The following IQCH variants were observed in gnomAD, a reference collection of about 807,000 sequenced individuals.
IQCH encodes IQ domain-containing protein H.
Under a neutral mutation model 117.0 loss-of-function variants are expected in IQCH, and 98 were observed. The ratio of observed to expected loss-of-function variants is 0.84; its 90% CI spans 0.71 to 0.99. The LOEUF is 0.99. Among genes scored for constraint, IQCH ranks in the 50% least tolerant of loss-of-function variants. IQCH has a pLI of 0.00. For synonymous variants in IQCH, 412 were observed against 448.2 expected (o/e 0.92, Z 1.02); for missense variants, 1,102 against 1,243.8 (o/e 0.89, Z 1.72).
At chr15:67,380,833 G>C (rs144813139) in intron 10 of IQCH, among the ~76,000 whole-genome samples, 30 of 152,276 alleles carry the variant, frequency 2.0e-4, no homozygotes, top group South Asian at 4.1e-4. Flanking sequence ...AAAAGGTTGA[G>C]AACTATTCCT....
intron 20 of IQCH, among the ~76,000 whole-genome samples, chr15:67,499,550 A>T (rs912087553): frequency 1.1e-4 from 17 of 152,042 alleles, no homozygotes; most frequent in Admixed American, 7.2e-4. Context: ...AGCAGTTTAT[A>T]AAAAAAATTA....
rs1367665514 is a variant in IQCH at position 67,388,413 on chromosome 15, A to T, written c.1457-418A>T. Among the ~76,000 whole-genome samples, 2 of 151,976 alleles carry T rather than the reference A, an allele frequency of 1.3e-5. No individual in the cohort carries two copies. The highest frequency in any genetic ancestry group is 2.9e-5 in the Non-Finnish European group (2 of 67,986). ...CCTGTCAAGTCCATACAGAATAAGAAATTGCAATTTCATCAGCTTTGTAAA... is the reference window on the plus strand; with the variant it reads ...CCTGTCAAGTCCATACAGAATAAGATATTGCAATTTCATCAGCTTTGTAAA... On this transcript the variant is annotated intron_variant, in intron 11 of 20. Transcript: ENST00000335894. This position sits in a 1 kb window ranked among gnomAD's most constrained non-coding sequence, Gnocchi z 5.5.
In IQCH at chr15:67,323,038, A is replaced by C. The variant is rs117678478; in HGVS notation, c.388-13937A>C. On this transcript the variant is annotated intron_variant, in intron 4 of 20. Coordinates refer to ENST00000335894, the MANE Select transcript of IQCH (RefSeq NM_001031715.3). ...ACACCAAATGGGAAGAAAGGTTCTC[A>C]ATCTGGTCCAAGGATTTACCTGAGA... Among the ~76,000 whole-genome samples the C allele has an allele frequency of 3.1e-3, 471 of 152,268 alleles. 7 individuals carry two copies. In the East Asian group the frequency reaches 0.041, roughly 13 times the overall value.
At chr15:67,338,386 G>A (rs1178750885) in intron 5 of IQCH, among the ~76,000 whole-genome samples, 1 of 152,102 alleles carries the variant, frequency 6.6e-6, no homozygotes, top group Admixed American at 6.6e-5. Flanking sequence ...ATGGCCTACT[G>A]TCATATTAGG....
chr15:67,330,485 C>T (rs1157804320), intron 4 of IQCH, among the ~76,000 whole-genome samples: 1 of 152,160 alleles, frequency 6.6e-6, no homozygotes, highest in Non-Finnish European at 1.5e-5. Context: ...GAATTTTCTT[C>T]TGTCTCCAAG....
chr15:67,334,098 G>A (rs1401312951), intron 4 of IQCH, among the ~76,000 whole-genome samples: 3 of 152,228 alleles, frequency 2.0e-5, no homozygotes, highest in African/African-American at 7.2e-5. Flanking sequence ...TTAGCATCAA[G>A]TGATAAAGTT....
intron 4 of IQCH, among the ~76,000 whole-genome samples, chr15:67,290,192 T>A (rs766554750): frequency 1.2e-4 from 18 of 152,046 alleles, no homozygotes; most frequent in Non-Finnish European, 2.4e-4. Flanking sequence ...TGAAAATCAG[T>A]GGAAGGCTTC....
At chr15:67,344,232 G>C (rs1303505990) in intron 6 of IQCH, 41 bp downstream of exon 6, 1 of 1,595,922 alleles carries the variant, frequency 6.3e-7, no homozygotes, top group Non-Finnish European at 8.5e-7. Flanking sequence ...GGGACACACA[G>C]AAATTATCTC....
intron 4 of IQCH, among the ~76,000 whole-genome samples, chr15:67,326,083 A>G (rs1445311720): frequency 2.0e-5 from 3 of 152,104 alleles, no homozygotes; most frequent in Admixed American, 6.5e-5. Context: ...CGTCATTTAC[A>G]TTGGGTGTAT....
chr15:67,318,918 T>C (rs1184427568), intron 4 of IQCH, among the ~76,000 whole-genome samples: 1 of 151,950 alleles, frequency 6.6e-6, no homozygotes, highest in Non-Finnish European at 1.5e-5. Flanking sequence ...AGTAAGATGT[T>C]TGAAAAAGAA....
At chr15:67,362,706 A>T (rs1316620130) in intron 8 of IQCH, among the ~76,000 whole-genome samples, 1 of 152,228 alleles carries the variant, frequency 6.6e-6, no homozygotes, top group Non-Finnish European at 1.5e-5. Context: ...CCATAGCCCC[A>T]GGGAAAGAAG....
chr15:67,494,278 A>C lies in IQCH; in HGVS notation c.2882A>C (p.Gln961Pro). 1 of 1,611,190 alleles carries C rather than the reference A, an allele frequency of 6.2e-7. No individual in the cohort carries two copies. The highest frequency in any genetic ancestry group is 1.3e-5 in the African/African-American group (1 of 74,958). The change falls in exon 20 of 21, where the codon CAG becomes CCG. Residue 961 changes from glutamine (Q) to proline (P), a missense_variant. By Grantham distance (76) the Gln-to-Pro change is moderately conservative (BLOSUM62 -1). This residue lies in a region of IQCH where 650 missense variants were observed against 794.3 expected (regional missense o/e 0.82). Coordinates refer to ENST00000335894, the MANE Select transcript of IQCH (RefSeq NM_001031715.3). This position sits in a 1 kb window ranked among gnomAD's most constrained non-coding sequence, Gnocchi z 5.5. ...AACAGAACAATCGGCGAGGATCTCCAGGGGGTCCTCATGACCTTTGCTCGC... is the reference window on the plus strand; with the variant it reads ...AACAGAACAATCGGCGAGGATCTCCCGGGGGTCCTCATGACCTTTGCTCGC... ...LGMLTIGEDL[Q>P]GVLMTFARHL...
intron 3 of IQCH, among the ~76,000 whole-genome samples, chr15:67,269,608 C>T (rs537716941): frequency 6.6e-6 from 1 of 152,098 alleles, no homozygotes; most frequent in Admixed American, 6.6e-5. Context: ...GTATATTAAA[C>T]CCATTAATCA....
chr15:67,411,605 T>A lies in IQCH; in HGVS notation c.2098-5326T>A, dbSNP rs2081451878. Reference sequence around the variant, plus strand: ...TAATTCACCACTGCAGATTGGCACATGACCCAATTACACCAATGTGTGTCT... The same window carrying A: ...TAATTCACCACTGCAGATTGGCACAAGACCCAATTACACCAATGTGTGTCT... On this transcript the variant is annotated intron_variant, in intron 14 of 20. Transcript: ENST00000335894. The surrounding 1 kb of genome is among the most constrained non-coding windows in gnomAD (Gnocchi z 4.4). Among the ~76,000 whole-genome samples, 1 of 151,952 alleles carries A rather than the reference T, an allele frequency of 6.6e-6. No homozygotes were observed.
At chr15:67,418,357 G>C (rs1301456477) in intron 15 of IQCH, among the ~76,000 whole-genome samples, 2 of 152,064 alleles carry the variant, frequency 1.3e-5, no homozygotes, top group Non-Finnish European at 2.9e-5. Flanking sequence ...AAGATTGCTG[G>C]AAAGAGATTC....
chr15:67,480,380 C>G (rs926578637), intron 18 of IQCH, among the ~76,000 whole-genome samples: 9 of 152,176 alleles, frequency 5.9e-5, no homozygotes, highest in Admixed American at 3.9e-4. Flanking sequence ...GTTGCCATAT[C>G]CTTTTTCCTG....
chr15:67,310,642 A>G (rs1270758317), intron 4 of IQCH, among the ~76,000 whole-genome samples: 1 of 152,134 alleles, frequency 6.6e-6, no homozygotes, highest in Non-Finnish European at 1.5e-5. Flanking sequence ...TAGCCATATC[A>G]TGATAGTGTA....
Position 67,404,871 on chromosome 15 carries a change from G to A in IQCH, c.2097+4566G>A, listed in dbSNP as rs537493757. ...ATACACCTCTTTTTGCTTCTGTTGA[G>A]TTACTTCCCGAGGAGAAAGACCCAG... is the stretch of plus-strand genomic sequence containing the variant. On this transcript the variant is annotated intron_variant, in intron 14 of 20. Transcript: ENST00000335894. The surrounding 1 kb of genome is among the most constrained non-coding windows in gnomAD (Gnocchi z 4.6). 6 of 152,242 alleles carry A rather than the reference G, an allele frequency of 3.9e-5. No individual in the cohort carries two copies. Among genetic ancestry groups the A allele is most frequent in the African/African-American group, 1.2e-4 (5 of 41,554 alleles). The allele number at this position is 152,242 out of a possible 1,614,324, so 9.4% of individuals were successfully genotyped here. A position where few individuals can be genotyped will look rare whatever the true frequency, so the allele number is the denominator to read the frequency against.
rs2081868560 is a variant in IQCH at position 67,425,606 on chromosome 15, T to C, written c.2505+4029T>C. ...CAGCCTGGGCGACAGAGCAAGACTC[T>C]GTCTCAAAAAACAAATTACTATTTC... On this transcript the variant is annotated intron_variant, in intron 16 of 20. Transcript: ENST00000335894. The surrounding 1 kb of genome is among the most constrained non-coding windows in gnomAD (Gnocchi z 5.5). 6.6e-6 allele frequency among the ~76,000 whole-genome samples: 1 copy of C among 151,460 alleles called. No homozygotes were observed. Among genetic ancestry groups the C allele is most frequent in the South Asian group, 2.1e-4 (1 of 4,816 alleles).
Sources: allele counts gnomAD v4.1 joint callset (sites outside exome capture counted in the v4.1 genomes callset), GRCh38; gene constraint gnomAD v4.1.1; regional missense constraint gnomAD v4.1.1; non-coding constraint Gnocchi (gnomAD v3.1); transcripts MANE v1.5; gene names NCBI Gene and HGNC (gene_info 2026-07-23, HGNC 2026-07-21).